DNAH5: variants seen among roughly 807,000 people sequenced by gnomAD.
DNAH5 encodes the protein dynein axonemal heavy chain 5, also known as axonemal beta dynein heavy chain 5.
Under a neutral mutation model 518.2 loss-of-function variants are expected in DNAH5, and 372 were observed. The observed-to-expected ratio is 0.72, with a 90% CI of 0.66 to 0.78. The LOEUF (loss-of-function observed/expected upper bound fraction) is 0.78, where lower values mean the gene tolerates loss of function less well. DNAH5 is among the 30% of genes least tolerant of loss of function. The probability of loss-of-function intolerance (pLI) is 0.00; values close to 1 mark genes in which losing one functional copy is unlikely to be tolerated. For synonymous variants in DNAH5, 2,039 were observed against 2,025.9 expected (o/e 1.01, Z -0.17); for missense variants, 5,523 against 5,687.0 (o/e 0.97, Z 0.93).
chr5:13,708,485 A>AC (rs1398143840), intron 75 of DNAH5, 150 bp from the exon 76 acceptor site: 12 of 777,942 alleles, frequency 1.5e-5, no homozygotes, highest in Non-Finnish European at 2.5e-5. Context: ...AGAAAAAAAA[A>AC]AAGAAAAGAA....
At chr5:13,976,146 A>G (rs1782225578) in intron 1 of DNAH5, among the ~76,000 whole-genome samples, 1 of 152,272 alleles carries the variant, frequency 6.6e-6, no homozygotes, top group Non-Finnish European at 1.5e-5. Flanking sequence ...GTTAAAACTA[A>G]CATAAGGGAA....
intron 1 of DNAH5, among the ~76,000 whole-genome samples, chr5:14,005,295 C>T (rs1026725133): frequency 2.0e-5 from 3 of 152,224 alleles, no homozygotes; most frequent in African/African-American, 7.2e-5. Context: ...ATGACAAAAA[C>T]AGTCCAGCGA....
At chr5:13,796,150 T>C (rs1390028121) in intron 47 of DNAH5, among the ~76,000 whole-genome samples, 4 of 152,192 alleles carry the variant, frequency 2.6e-5, no homozygotes. Context: ...AAGACAGGGA[T>C]GCCCTCTCTC....
intron 39 of DNAH5, 80 bp downstream of exon 39, chr5:13,824,119 A>G (rs1762586231): frequency 7.3e-7 from 1 of 1,366,834 alleles, no homozygotes; most frequent in Admixed American, 1.7e-5. Flanking sequence ...ATTTTAAATA[A>G]ATATTTTGAA....
At chr5:13,922,571 A>G (rs1051736055) in intron 4 of DNAH5, among the ~76,000 whole-genome samples, 1 of 151,876 alleles carries the variant, frequency 6.6e-6, no homozygotes, top group Admixed American at 6.6e-5. Context: ...TACTAAACAT[A>G]CAAAAATTAG....
intron 1 of DNAH5, among the ~76,000 whole-genome samples, chr5:13,958,691 A>T (rs895756111): frequency 3.9e-5 from 6 of 152,230 alleles, no homozygotes; most frequent in African/African-American, 1.4e-4. Flanking sequence ...AAAATAAAAT[A>T]AGCAAAATCT....
intron 1 of DNAH5, among the ~76,000 whole-genome samples, chr5:13,995,218 T>G (rs1266605588): frequency 6.6e-6 from 1 of 152,210 alleles, no homozygotes; most frequent in Non-Finnish European, 1.5e-5. Flanking sequence ...AGTTTCTTCT[T>G]AAGTCTCCCA....
At position 13,967,999 on chromosome 5, in the gene DNAH5, G is replaced by A. The variant is rs1235721586; in HGVS notation, c.13-36755C>T. Among the ~76,000 whole-genome samples the A allele has an allele frequency of 3.9e-5, 6 of 152,290 alleles. No homozygotes were observed. The South Asian group carries it at 6.2e-4, about 16-fold the overall frequency. On this transcript the variant is annotated intron_variant, in intron 1 of 78. Coordinates refer to the DNAH5 transcript ENST00000681290. ...GTTGTCTATGATTTCTTTCAGTAGT[G>A]TTCTGTAGTTTTCCTTGTAAAGGTC...
At chr5:14,008,800 C>A (rs1249495745) in intron 1 of DNAH5, among the ~76,000 whole-genome samples, 2 of 152,180 alleles carry the variant, frequency 1.3e-5, no homozygotes, top group African/African-American at 4.8e-5. Flanking sequence ...AACTGAACTG[C>A]CCAGGTATCT....
intron 66 of DNAH5, among the ~76,000 whole-genome samples, chr5:13,736,665 G>C (rs1179421254): frequency 1.3e-5 from 2 of 152,028 alleles, no homozygotes; most frequent in Non-Finnish European, 2.9e-5. Flanking sequence ...GACCTCAGAT[G>C]ATCTGCCCAC....
intron 1 of DNAH5, among the ~76,000 whole-genome samples, chr5:13,955,694 G>T (rs1481990762): frequency 2.0e-5 from 3 of 151,872 alleles, no homozygotes; most frequent in African/African-American, 4.8e-5. Flanking sequence ...ATCCTCATTT[G>T]GGAATTACTT....
intron 30 of DNAH5, among the ~76,000 whole-genome samples, chr5:13,859,039 A>G (rs1900162): frequency 2.0e-5 from 3 of 151,496 alleles, no homozygotes; most frequent in African/African-American, 2.4e-5. Flanking sequence ...TTTACTGTAC[A>G]GATATAATTG....
chr5:13,776,823 A>G, intron 54 of DNAH5, 117 bp from the exon 55 acceptor site: 1 of 1,161,952 alleles, frequency 8.6e-7, no homozygotes, highest in East Asian at 2.4e-5. Flanking sequence ...TCACCTACAG[A>G]AAATTGAAAG....
intron 55 of DNAH5, among the ~76,000 whole-genome samples, chr5:13,776,176 G>A (rs1383268912): frequency 6.6e-6 from 1 of 152,170 alleles, no homozygotes; most frequent in Admixed American, 6.6e-5. Flanking sequence ...AGAATTGCTG[G>A]ATGATGTTTT....
At chr5:13,710,532 A>G (rs755019968) in intron 75 of DNAH5, among the ~76,000 whole-genome samples, 9 of 152,218 alleles carry the variant, frequency 5.9e-5, no homozygotes, top group African/African-American at 1.2e-4. Context: ...AGCAATACAA[A>G]AGGTAAATGA....
At chr5:13,888,487 G>A (rs142078700) in intron 17 of DNAH5, among the ~76,000 whole-genome samples, 10 of 152,232 alleles carry the variant, frequency 6.6e-5, no homozygotes, top group African/African-American at 2.2e-4. Flanking sequence ...CTTTCTGTCA[G>A]GTACTCCTTT....
At chr5:13,974,651 A>G (rs2152060398) in intron 1 of DNAH5, among the ~76,000 whole-genome samples, 1 of 152,258 alleles carries the variant, frequency 6.6e-6, no homozygotes, top group East Asian at 1.9e-4. Context: ...AGGCTGAAAC[A>G]TTGAACTGGT....
In DNAH5 at chr5:13,690,904, C is replaced by T. The variant is rs1740634635; in HGVS notation, c.*1080G>A. The T allele has an allele frequency of 6.6e-6, 1 of 152,102 alleles. No homozygotes were observed. 9.4% of individuals were successfully genotyped at this position (152,102 alleles called of 1,614,324 possible). A position where few individuals can be genotyped will look rare whatever the true frequency, so the allele number is the denominator to read the frequency against. On this transcript the variant is annotated 3_prime_UTR_variant, in exon 79 of 79. Transcript: ENST00000265104. ...TCAAGCCAACTATAATTCTTGCTAT[C>T]ACATCTGTTCTTATTTTTCTATCTT...
intron 59 of DNAH5, among the ~76,000 whole-genome samples, chr5:13,763,383 C>T (rs1375244189): frequency 6.6e-6 from 1 of 152,138 alleles, no homozygotes; most frequent in Non-Finnish European, 1.5e-5. Context: ...TTATTAAACT[C>T]ACCTAAAATG....
Sources: gnomAD v4.1 joint callset for allele counts (sites outside exome capture counted in the v4.1 genomes callset) on GRCh38, gnomAD v4.1.1 for gene constraint, MANE v1.5 for transcripts, NCBI Gene and HGNC (gene_info 2026-07-23, HGNC 2026-07-21) for gene names.